CCDC102B: variants seen among roughly 807,000 people sequenced by gnomAD.
The protein encoded by CCDC102B is coiled-coil domain containing 102B, also known as coiled-coil domain-containing protein 102B.
Under a neutral mutation model 57.4 loss-of-function variants are expected in CCDC102B, and 75 were observed. That is an observed-to-expected ratio of 1.31 (90% CI 1.08 to 1.58). The LOEUF (loss-of-function observed/expected upper bound fraction) is 1.58, where lower values mean the gene tolerates loss of function less well. CCDC102B is among the 40% of genes most tolerant of loss of function. The pLI is 0.00. For synonymous variants in CCDC102B, 206 were observed against 201.9 expected (o/e 1.02, Z -0.17); for missense variants, 636 against 582.6 (o/e 1.09, Z -0.94).
intron 4 of CCDC102B, among the ~76,000 whole-genome samples, chr18:68,847,766 T>C (rs1016309735): frequency 4.6e-5 from 7 of 151,786 alleles, no homozygotes; most frequent in Admixed American, 2.6e-4. Flanking sequence ...AGGAGAAACC[T>C]CAAAATTGTG....
intron 5 of CCDC102B, among the ~76,000 whole-genome samples, chr18:68,879,703 T>G (rs527449263): frequency 1.1e-3 from 163 of 151,138 alleles, no homozygotes; most frequent in African/African-American, 3.9e-3. Flanking sequence ...GATTGGTGTA[T>G]TTACAATCCC....
intron 2 of CCDC102B, among the ~76,000 whole-genome samples, chr18:68,776,704 A>G (rs1014540551): frequency 1.3e-5 from 2 of 152,132 alleles, no homozygotes; most frequent in African/African-American, 4.8e-5. Context: ...AAAAATAACT[A>G]ATGGGTAATA....
intron 5 of CCDC102B, among the ~76,000 whole-genome samples, chr18:68,892,274 C>G (rs2040106566): frequency 1.3e-5 from 2 of 152,176 alleles, no homozygotes. Context: ...CTTGTACTTT[C>G]TAATCTCCTT....
rs373564331 is a variant in CCDC102B, at chr18:68,737,193, A to G, written c.-67+20599A>G. Among the ~76,000 whole-genome samples the G allele has an allele frequency of 5.3e-5, 8 of 152,194 alleles. No individual in the cohort carries two copies. In the South Asian group the frequency reaches 8.3e-4, roughly 16 times the overall value. On this transcript the variant is annotated intron_variant, in intron 2 of 3. Transcript: ENST00000578970. The stretch of plus-strand genomic sequence containing the variant: ...CCAGCAGGGGGTGGGCATGGGGGTA[A>G]CATGTCTGGGCACCCGAAAACAAAG...
chr18:68,923,324 A>G (rs2041352401), intron 6 of CCDC102B, among the ~76,000 whole-genome samples: 1 of 152,020 alleles, frequency 6.6e-6, no homozygotes, highest in Non-Finnish European at 1.5e-5. Flanking sequence ...ACACTACAGA[A>G]ATCAGGCTAT....
intron 2 of CCDC102B, among the ~76,000 whole-genome samples, chr18:68,791,361 A>G (rs1189686823): frequency 1.3e-5 from 2 of 152,110 alleles, no homozygotes; most frequent in Non-Finnish European, 2.9e-5. Flanking sequence ...GTGGATGTTG[A>G]GTTCTTTTGA....
At chr18:68,736,884 C>CT (rs1175676404) in intron 2 of CCDC102B, among the ~76,000 whole-genome samples, 3 of 151,876 alleles carry the variant, frequency 2.0e-5, no homozygotes. Context: ...ATCTTATGTT[C>CT]TTTTTTATAC....
At chr18:68,772,657 A>G (rs2034679193) in intron 2 of CCDC102B, among the ~76,000 whole-genome samples, 1 of 151,588 alleles carries the variant, frequency 6.6e-6, no homozygotes, top group South Asian at 2.1e-4. Context: ...TTGATAAATT[A>G]TTTAAATTGA....
chr18:68,958,671 C>T (rs2049969432), intron 6 of CCDC102B, among the ~76,000 whole-genome samples: 1 of 152,058 alleles, frequency 6.6e-6, no homozygotes, highest in African/African-American at 2.4e-5. Context: ...ATCTTATATG[C>T]ATGCTTTATT....
intron 2 of CCDC102B, among the ~76,000 whole-genome samples, chr18:68,727,960 A>T (rs1256132967): frequency 1.3e-5 from 2 of 152,246 alleles, no homozygotes; most frequent in East Asian, 3.8e-4. Context: ...CCTGTCTCAG[A>T]TATTGCTCTT....
chr18:69,039,202 C>T (rs1053076575), intron 7 of CCDC102B, among the ~76,000 whole-genome samples: 17 of 151,866 alleles, frequency 1.1e-4, no homozygotes, highest in African/African-American at 4.1e-4. Flanking sequence ...AAATGAATGC[C>T]ATAGGAAAAC....
intron 1 of CCDC102B, among the ~76,000 whole-genome samples, chr18:68,806,571 GA>G (rs2036040148): frequency 6.6e-6 from 1 of 151,984 alleles, no homozygotes; most frequent in Non-Finnish European, 1.5e-5. Flanking sequence ...GAACATGTTT[GA>G]AAAAAATCAG....
intron 2 of CCDC102B, among the ~76,000 whole-genome samples, chr18:68,729,084 CAA>C (rs1243944819): frequency 6.6e-6 from 1 of 151,872 alleles, no homozygotes; most frequent in Non-Finnish European, 1.5e-5. Context: ...AAATAGCAAT[CAA>C]GAGAAAACAT....
At chr18:68,994,784 C>G (rs1192318435) in intron 6 of CCDC102B, among the ~76,000 whole-genome samples, 1 of 152,186 alleles carries the variant, frequency 6.6e-6, no homozygotes, top group Non-Finnish European at 1.5e-5. Context: ...GTAAATTACT[C>G]AGTCTCAGAC....
chr18:68,884,644 T>C (rs2039815433), intron 5 of CCDC102B, among the ~76,000 whole-genome samples: 1 of 150,256 alleles, frequency 6.7e-6, no homozygotes, highest in Non-Finnish European at 1.5e-5. Context: ...TACATATACA[T>C]CTCCCCATCG....
chr18:68,770,790 A>C (rs765809738), intron 2 of CCDC102B, among the ~76,000 whole-genome samples: 14 of 152,232 alleles, frequency 9.2e-5, no homozygotes, highest in South Asian at 2.1e-4. Context: ...TCAAAGTTGT[A>C]ATATATCTTG....
At chr18:68,996,893 G>A (rs1463534561) in intron 6 of CCDC102B, among the ~76,000 whole-genome samples, 1 of 152,144 alleles carries the variant, frequency 6.6e-6, no homozygotes, top group African/African-American at 2.4e-5. Flanking sequence ...AGGCTTTGTT[G>A]TCCCCACCCA....
chr18:68,721,549 A>C (rs1599368461), intron 2 of CCDC102B: 1 of 152,204 alleles, frequency 6.6e-6, no homozygotes, highest in African/African-American at 2.4e-5. Context: ...AAAAAATAAG[A>C]TTCCTGACTC....
At chr18:68,735,809 G>C (rs2033099282) in intron 2 of CCDC102B, among the ~76,000 whole-genome samples, 1 of 152,162 alleles carries the variant, frequency 6.6e-6, no homozygotes, top group Admixed American at 6.5e-5. Context: ...AACACCTCAT[G>C]TTGTAAGATC....
Sources: gnomAD v4.1 joint callset for allele counts (sites outside exome capture counted in the v4.1 genomes callset) on GRCh38, gnomAD v4.1.1 for gene constraint, MANE v1.5 for transcripts, NCBI Gene and HGNC (gene_info 2026-07-23, HGNC 2026-07-21) for gene names.